PDIA5: variants seen among roughly 807,000 people sequenced by gnomAD.
The protein encoded by PDIA5 is protein disulfide-isomerase A5.
Under a neutral mutation model 77.6 loss-of-function variants are expected in PDIA5, and 58 were observed. The ratio of observed to expected loss-of-function variants is 0.75; its 90% CI spans 0.61 to 0.93. The LOEUF (loss-of-function observed/expected upper bound fraction) is 0.93. Among genes scored for constraint, PDIA5 ranks in the 40% least tolerant of loss-of-function variants. The probability of loss-of-function intolerance (pLI) is 0.00; values close to 1 mark genes in which losing one functional copy is unlikely to be tolerated. For synonymous variants in PDIA5, 250 were observed against 252.1 expected (o/e 0.99, Z 0.08); for missense variants, 630 against 647.7 (o/e 0.97, Z 0.30).
intron 6 of PDIA5, among the ~76,000 whole-genome samples, chr3:123,109,286 C>T (rs919542862): frequency 3.3e-5 from 5 of 152,164 alleles, no homozygotes; most frequent in African/African-American, 1.2e-4. Context: ...GAATTTCATA[C>T]TTTGTGAAGG....
At chr3:123,077,804 T>C (rs1366855082) in intron 1 of PDIA5, among the ~76,000 whole-genome samples, 1 of 150,518 alleles carries the variant, frequency 6.6e-6, no homozygotes, top group Non-Finnish European at 1.5e-5. Flanking sequence ...TATTTTAAAA[T>C]TAATGTTCTT....
intron 7 of PDIA5, among the ~76,000 whole-genome samples, chr3:123,115,535 G>C (rs1427365979): frequency 6.6e-6 from 1 of 152,198 alleles, no homozygotes; most frequent in East Asian, 1.9e-4. Flanking sequence ...GCCTTAGGTT[G>C]TGTGGTCCAG....
intron 8 of PDIA5, among the ~76,000 whole-genome samples, chr3:123,118,446 A>C (rs1935041961): frequency 6.6e-6 from 1 of 152,130 alleles, no homozygotes; most frequent in African/African-American, 2.4e-5. Flanking sequence ...GCCCCAAATC[A>C]GATCACAAGT....
chr3:123,082,132 T>G (rs943065052), intron 1 of PDIA5, among the ~76,000 whole-genome samples: 3 of 152,162 alleles, frequency 2.0e-5, no homozygotes, highest in Non-Finnish European at 4.4e-5. Flanking sequence ...AGAGGGTTAG[T>G]CTAAACCCCT....
Position 123,089,229 on chromosome 3 carries a change from A to G in PDIA5, c.104A>G (p.Asp35Gly). The change falls in exon 2 of 17, where the codon GAC becomes GGC. Residue 35 changes from aspartate to glycine, a missense_variant. Coordinates refer to ENST00000316218, the MANE Select transcript of PDIA5 (RefSeq NM_006810.4). ...KVSSLIERIS[D>G]PKDLKKLLRT... ...TCCTCGCTCATTGAGAGAATCTCTG[A>G]CCCCAAGGACTTGAAAAAACTGCTC... 5.0e-6 allele frequency: 8 copies of G among 1,613,892 alleles called. No homozygotes were observed. The highest frequency in any genetic ancestry group is 6.8e-6 in the Non-Finnish European group (8 of 1,179,756).
intron 11 of PDIA5, among the ~76,000 whole-genome samples, chr3:123,138,154 C>G (rs1039215709): frequency 2.4e-4 from 36 of 152,038 alleles, no homozygotes; most frequent in African/African-American, 8.5e-4. Context: ...CTATGTTGCC[C>G]AAGCTGGTCT....
rs753088407 is a variant in PDIA5, at chr3:123,116,295, C to T, written c.606C>T (p.His202=). 17 of 1,612,416 alleles carry T rather than the reference C, an allele frequency of 1.1e-5. No homozygotes were observed. The African/African-American group carries it at 1.2e-4, about 11-fold the overall frequency. The change falls in exon 8 of 17, where the codon CAC becomes CAT. Residue 202 remains histidine (H), a synonymous_variant. Coordinates refer to ENST00000316218, the MANE Select transcript of PDIA5 (RefSeq NM_006810.4). ...FQKAATQLRG[H]AVLAGMNVYS... Reference sequence around the variant, plus strand: ...AGGCTGCGACTCAGCTGCGAGGCCACGCCGTAAGTGAGGCGCCATTGCCTG... The same window carrying T: ...AGGCTGCGACTCAGCTGCGAGGCCATGCCGTAAGTGAGGCGCCATTGCCTG...
intron 3 of PDIA5, among the ~76,000 whole-genome samples, chr3:123,096,999 G>T (rs902009896): frequency 6.6e-6 from 1 of 152,126 alleles, no homozygotes; most frequent in Non-Finnish European, 1.5e-5. Flanking sequence ...TCTTTTCCTC[G>T]GGGCTTAAGG....
chr3:123,136,725 C>CAAAAAAAAAA (rs59022235), intron 11 of PDIA5, among the ~76,000 whole-genome samples: 2 of 71,530 alleles, frequency 2.8e-5, no homozygotes, highest in Admixed American at 3.8e-4. Context: ...GGTGACAAGA[C>CAAAAAAAAAA]AAAAAAAAAA....
At chr3:123,145,739 T>G in intron 12 of PDIA5, 147 bp downstream of exon 12, 2 of 656,390 alleles carry the variant, frequency 3.0e-6, no homozygotes, top group South Asian at 3.7e-5. Context: ...GTAGAACATC[T>G]TAGACAGATG....
chr3:123,109,477 C>G (rs1017326121), intron 6 of PDIA5, among the ~76,000 whole-genome samples: 2 of 152,068 alleles, frequency 1.3e-5, no homozygotes, highest in African/African-American at 4.8e-5. Flanking sequence ...ATCTTGGTTA[C>G]TAATTTTGTT....
At chr3:123,110,857 C>G in intron 6 of PDIA5, 87 bp from the exon 7 acceptor site, 2 of 1,077,224 alleles carry the variant, frequency 1.9e-6, no homozygotes, top group Non-Finnish European at 2.9e-6. Context: ...ACCCTTCACC[C>G]TGCTGTATGC....
At chr3:123,070,885 G>A (rs937049085) in intron 1 of PDIA5, among the ~76,000 whole-genome samples, 3 of 152,042 alleles carry the variant, frequency 2.0e-5, no homozygotes, top group Admixed American at 6.5e-5. Context: ...AAGCTGGGCT[G>A]GGATAGAGTT....
chr3:123,102,996 G>A (rs1476041016), intron 5 of PDIA5, among the ~76,000 whole-genome samples, 200 bp downstream of exon 5: 1 of 152,186 alleles, frequency 6.6e-6, no homozygotes, highest in Non-Finnish European at 1.5e-5. Context: ...GATTGACCCA[G>A]CTTTGGAAAT....
At chr3:123,118,547 G>A (rs995718710) in intron 8 of PDIA5, among the ~76,000 whole-genome samples, 2 of 152,076 alleles carry the variant, frequency 1.3e-5, no homozygotes, top group Non-Finnish European at 2.9e-5. Context: ...TGCATCCACT[G>A]CCAAACTCAG....
chr3:123,114,992 T>G lies in PDIA5; in HGVS notation c.542-1239T>G, dbSNP rs569844484. On this transcript the variant is annotated intron_variant, in intron 7 of 16. Coordinates refer to ENST00000316218, the MANE Select transcript of PDIA5 (RefSeq NM_006810.4). ...GTGTCTGCATCTTGTCCGGTAGGCT[T>G]GGTGCTGGGGAGGTTCTGGTGGCCC... Among the ~76,000 whole-genome samples, 5 of 152,252 alleles carry G rather than the reference T, an allele frequency of 3.3e-5. No homozygotes were observed. The South Asian group carries it at 1.0e-3, about 32-fold the overall frequency.
At chr3:123,095,422 C>T (rs1462049594) in intron 3 of PDIA5, among the ~76,000 whole-genome samples, 1 of 152,072 alleles carries the variant, frequency 6.6e-6, no homozygotes, top group Non-Finnish European at 1.5e-5. Flanking sequence ...GAGTGAGCCC[C>T]AGGCCATGGG....
chr3:123,104,199 A>G (rs1348936418), intron 5 of PDIA5, among the ~76,000 whole-genome samples: 2 of 152,172 alleles, frequency 1.3e-5, no homozygotes, highest in African/African-American at 4.8e-5. Context: ...AAGGTGAAGA[A>G]GTGGCTGAGC....
At chr3:123,082,353 T>C (rs1934032833) in intron 1 of PDIA5, among the ~76,000 whole-genome samples, 1 of 152,138 alleles carries the variant, frequency 6.6e-6, no homozygotes, top group South Asian at 2.1e-4. Flanking sequence ...GTTACTTACC[T>C]ACTGTGTGAC....
Sources: gnomAD v4.1 joint callset for allele counts (sites outside exome capture counted in the v4.1 genomes callset) on GRCh38, gnomAD v4.1.1 for gene constraint, MANE v1.5 for transcripts, NCBI Gene and HGNC (gene_info 2026-07-23, HGNC 2026-07-21) for gene names.